Variants in MED27 observed in about 807,000 individuals in gnomAD.
The protein encoded by MED27 is mediator of RNA polymerase II transcription subunit 27.
A neutral mutation model predicts 38.2 loss-of-function variants in MED27; 30 were observed. The observed-to-expected ratio is 0.79, with a 90% CI of 0.59 to 1.07. The LOEUF (loss-of-function observed/expected upper bound fraction) is 1.07, where lower values mean the gene tolerates loss of function less well. MED27 is among the 50% of genes least tolerant of loss of function. The pLI, the probability that MED27 is intolerant of heterozygous loss-of-function variation, is 0.00. For missense variants in MED27, 289 were observed against 397.5 expected (o/e 0.73, Z 2.32); for synonymous variants, 122 against 153.5 (o/e 0.79, Z 1.52).
chr9:131,893,678 G>C (rs1839265278), intron 5 of MED27, among the ~76,000 whole-genome samples: 1 of 152,200 alleles, frequency 6.6e-6, no homozygotes, highest in African/African-American at 2.4e-5. Flanking sequence ...ATCAGGCTTA[G>C]AGGAAAAAGC....
chr9:131,873,427 G>T (rs1252779103), intron 6 of MED27, among the ~76,000 whole-genome samples: 1 of 152,172 alleles, frequency 6.6e-6, no homozygotes, highest in Non-Finnish European at 1.5e-5. Flanking sequence ...TCTCAAATGG[G>T]GATGAAAGTA....
At chr9:131,904,387 T>C (rs1451835390) in intron 4 of MED27, among the ~76,000 whole-genome samples, 1 of 151,512 alleles carries the variant, frequency 6.6e-6, no homozygotes. Context: ...TAATAAGACG[T>C]GTTTTATTTT....
intron 2 of MED27, among the ~76,000 whole-genome samples, chr9:132,074,090 G>A (rs983662372): frequency 8.5e-5 from 13 of 152,192 alleles, no homozygotes; most frequent in Admixed American, 3.3e-4. Context: ...CAAGGACAGC[G>A]TTGATGCCAA....
At chr9:131,866,470 TCA>T (rs1838739288) in intron 6 of MED27, among the ~76,000 whole-genome samples, 1 of 104,006 alleles carries the variant, frequency 9.6e-6, no homozygotes, top group African/African-American at 4.0e-5. Context: ...TCCCCCTGCC[TCA>T]TACCCAAGCA....
intron 2 of MED27, among the ~76,000 whole-genome samples, chr9:132,067,619 G>A (rs1833837017): frequency 6.6e-6 from 1 of 152,332 alleles, no homozygotes; most frequent in Admixed American, 6.5e-5. Context: ...AATGCAGGAT[G>A]TCTGGGCTCC....
intron 2 of MED27, among the ~76,000 whole-genome samples, chr9:132,047,858 C>G (rs1050689480): frequency 2.0e-5 from 3 of 151,846 alleles, no homozygotes; most frequent in Non-Finnish European, 4.4e-5. Flanking sequence ...ATGAACACAA[C>G]AAAGCTAAAA....
chr9:132,015,074 AC>A (rs759109303), intron 2 of MED27, among the ~76,000 whole-genome samples: 23 of 152,242 alleles, frequency 1.5e-4, no homozygotes, highest in Admixed American at 5.2e-4. Flanking sequence ...GTACACCATG[AC>A]CACGACATGG....
intron 4 of MED27, among the ~76,000 whole-genome samples, chr9:131,922,029 G>A (rs1238784975): frequency 7.2e-6 from 1 of 138,894 alleles, no homozygotes; most frequent in Non-Finnish European, 1.6e-5. Flanking sequence ...GTCATGGGGA[G>A]GGGGGAGGGG....
At chr9:131,960,223 C>A (rs1253068147) in intron 3 of MED27, among the ~76,000 whole-genome samples, 2 of 152,040 alleles carry the variant, frequency 1.3e-5, no homozygotes, top group Non-Finnish European at 2.9e-5. Flanking sequence ...TGCAGGTCTT[C>A]GAATTCTTAA....
chr9:132,004,879 A>G (rs1832324296), intron 3 of MED27, among the ~76,000 whole-genome samples: 1 of 152,200 alleles, frequency 6.6e-6, no homozygotes, highest in South Asian at 2.1e-4. Flanking sequence ...TTCAACCAAC[A>G]GTGCACAGTC....
At chr9:131,870,239 T>C (rs1197163873) in intron 6 of MED27, among the ~76,000 whole-genome samples, 2 of 152,204 alleles carry the variant, frequency 1.3e-5, no homozygotes, top group Non-Finnish European at 2.9e-5. Context: ...CAAGAGCTGG[T>C]CTACGCTGCA....
At chr9:132,079,550 G>C in intron 1 of MED27, 92 bp downstream of exon 1, 1 of 1,199,168 alleles carries the variant, frequency 8.3e-7, no homozygotes, top group East Asian at 2.3e-5. Flanking sequence ...GGGAAACGGA[G>C]AACAGCCCCT....
intron 2 of MED27, among the ~76,000 whole-genome samples, chr9:132,024,627 T>C (rs1046510824): frequency 5.9e-5 from 9 of 152,350 alleles, no homozygotes; most frequent in Admixed American, 5.9e-4. Flanking sequence ...GTAGCTATAT[T>C]GAGAAGGAAA....
Position 132,014,342 on chromosome 9 carries a change from T to C in MED27, c.474A>G (p.Pro158=). The change falls in exon 3 of 8, where the codon CCA becomes CCG. Residue 158 remains proline, a synonymous_variant. Coordinates refer to ENST00000292035, the MANE Select transcript of MED27 (RefSeq NM_004269.4). ...TTTTCAAATCCATCACTCACTGAGG[T>C]GGTAGGACAAGAGTTGTGGGCTGAG... ...PKAQPTTLVL[P]PQYVDDVISR... is the part of the protein sequence containing the mutation. 6.2e-7 allele frequency: 1 copy of C among 1,611,860 alleles called. No homozygotes were observed. The highest frequency in any genetic ancestry group is 8.5e-7 in the Non-Finnish European group (1 of 1,179,662).
chr9:131,870,553 G>C (rs1439962554), intron 6 of MED27, among the ~76,000 whole-genome samples: 1 of 152,208 alleles, frequency 6.6e-6, no homozygotes, highest in Non-Finnish European at 1.5e-5. Flanking sequence ...AGGTGGCACA[G>C]CAGGAGTTTG....
chr9:132,060,675 G>T (rs534489556), intron 2 of MED27, among the ~76,000 whole-genome samples: 1 of 152,340 alleles, frequency 6.6e-6, no homozygotes, highest in African/African-American at 2.4e-5. Flanking sequence ...CCAGCTGGGC[G>T]CAGTGGCTCA....
rs1832120480 is a variant in MED27 at position 131,997,666 on chromosome 9, T to C, written c.479+16671A>G. Among the ~76,000 whole-genome samples the C allele has an allele frequency of 6.6e-6, 1 of 152,202 alleles. No individual in the cohort carries two copies. The highest frequency in any genetic ancestry group is 2.4e-5 in the African/African-American group (1 of 41,458). On this transcript the variant is annotated intron_variant, in intron 3 of 7. Coordinates refer to ENST00000292035, the MANE Select transcript of MED27 (RefSeq NM_004269.4). The surrounding 1 kb of genome is among the most constrained non-coding windows in gnomAD (Gnocchi z 4.0). ...CTTCCTGAGAACCTAATCCTCTGCC[T>C]TGTACTACAGCTGAGACATACAGAT...
intron 5 of MED27, among the ~76,000 whole-genome samples, chr9:131,891,986 A>G (rs1340286879): frequency 1.3e-5 from 2 of 152,188 alleles, no homozygotes; most frequent in Admixed American, 6.5e-5. Context: ...GTTAACCAAG[A>G]TAAGGAAAAG....
intron 3 of MED27, among the ~76,000 whole-genome samples, chr9:131,952,361 G>A (rs528837062): frequency 3.3e-5 from 5 of 152,344 alleles, no homozygotes; most frequent in Admixed American, 6.5e-5. Context: ...GACATGGACT[G>A]GGGGGAAGCA....
Sources: allele counts gnomAD v4.1 joint callset (sites outside exome capture counted in the v4.1 genomes callset), GRCh38; gene constraint gnomAD v4.1.1; non-coding constraint Gnocchi (gnomAD v3.1); transcripts MANE v1.5; gene names NCBI Gene and HGNC (gene_info 2026-07-23, HGNC 2026-07-21).